PRR14L: variants seen among roughly 807,000 people sequenced by gnomAD.
PRR14L encodes protein PRR14L.
PRR14L carries 80 observed loss-of-function variants against 155.0 expected under a neutral mutation model. That is an observed-to-expected ratio of 0.52 (90% confidence interval 0.43 to 0.62). PRR14L has a LOEUF of 0.62. Ranked by LOEUF, PRR14L falls within the 20% of genes least tolerant of loss-of-function variation. The pLI is 0.00. For missense variants in PRR14L, 2,469 were observed against 2,548.0 expected, an observed-to-expected ratio of 0.97 and a Z score of 0.67; for synonymous variants, 883 against 916.0, an observed-to-expected ratio of 0.96 and a Z score of 0.65.
chr22:31,718,280 G>A (rs2074671273), intron 3 of PRR14L, among the ~76,000 whole-genome samples: 1 of 146,168 alleles, frequency 6.8e-6, no homozygotes, highest in African/African-American at 2.5e-5. Context: ...TTTTGAGACA[G>A]AGTCTTGCTT....
In PRR14L at chr22:31,716,283, T is replaced by C; in HGVS notation, c.1556A>G (p.Glu519Gly). The change falls in exon 4 of 9, where the codon GAA (glutamate) becomes GGA (glycine). Residue 519 changes from glutamate (E) to glycine (G), a missense_variant. Physicochemically the swap from Glu to Gly is moderately conservative, Grantham distance 98. Transcript: ENST00000327423. ...ESSFSSLMQI[E>G]EAGQTTPVEP... ...TACAGGGGTTGTCTGTCCTGCCTCT[T>C]CAATCTGCATCAAGGAGGAAAAACT... 6.4e-7 allele frequency: 1 copy of C among 1,551,698 alleles called. No homozygotes were observed. Among genetic ancestry groups the C allele is most frequent in the Non-Finnish European group, 8.7e-7 (1 of 1,146,980 alleles).
intron 8 of PRR14L, among the ~76,000 whole-genome samples, chr22:31,687,044 T>C (rs1261764527): frequency 6.6e-6 from 1 of 152,176 alleles, no homozygotes; most frequent in East Asian, 1.9e-4. Context: ...TCTTTTTTCT[T>C]TTTCATTTTT....
At chr22:31,693,193 A>G (rs1348965824) in intron 7 of PRR14L, among the ~76,000 whole-genome samples, 2 of 152,204 alleles carry the variant, frequency 1.3e-5, no homozygotes, top group African/African-American at 4.8e-5. Flanking sequence ...CCCTCATTAC[A>G]GTAACACACA....
chr22:31,733,298 G>GCTTT (rs2074760251), intron 2 of PRR14L, among the ~76,000 whole-genome samples: 1 of 64,032 alleles, frequency 1.6e-5, no homozygotes, highest in African/African-American at 7.4e-5. Context: ...CCTGGCCACT[G>GCTTT]TTTTTTTTTT....
intron 3 of PRR14L, among the ~76,000 whole-genome samples, chr22:31,723,737 G>A (rs1458682824): frequency 6.6e-6 from 1 of 152,216 alleles, no homozygotes; most frequent in Non-Finnish European, 1.5e-5. Flanking sequence ...GATAAACTGG[G>A]ACAAATGTCC....
At position 31,714,970 on chromosome 22, in the gene PRR14L, T is replaced by A; in HGVS notation, c.2869A>T (p.Lys957Ter). 1 of 1,552,134 alleles carries A rather than the reference T, an allele frequency of 6.4e-7. No homozygotes were observed. The highest frequency in any genetic ancestry group is 8.7e-7 in the Non-Finnish European group (1 of 1,147,076). The stretch of plus-strand genomic sequence containing the variant: ...TTCTGATCGAGTGTTTCAACTGATT[T>A]TACATTTTTAAAACTGGAGAACATA... ...TVMFSSFKNV[K>*]SVETLDQKAD... The change falls in exon 4 of 9, where the codon AAA (lysine) becomes TAA (stop). Residue 957 changes from lysine to a stop codon, truncating the protein, a stop_gained. Transcript: ENST00000327423. LOFTEE classifies it high-confidence loss of function.
chr22:31,749,376 G>A (rs2074859161), intron 1 of PRR14L, among the ~76,000 whole-genome samples: 1 of 152,190 alleles, frequency 6.6e-6, no homozygotes, highest in Non-Finnish European at 1.5e-5. Context: ...AGGGAGAAAG[G>A]TTGATTTCTG....
At chr22:31,709,066 G>T (rs1010451313) in intron 4 of PRR14L, among the ~76,000 whole-genome samples, 5 of 151,956 alleles carry the variant, frequency 3.3e-5, no homozygotes, top group Admixed American at 6.6e-5. Context: ...CAGCTGATCT[G>T]CCCGCCTTGG....
At chr22:31,734,371 C>A (rs1328273311) in intron 2 of PRR14L, among the ~76,000 whole-genome samples, 1 of 152,178 alleles carries the variant, frequency 6.6e-6, no homozygotes, top group African/African-American at 2.4e-5. Flanking sequence ...ATATACATTG[C>A]AAATATGTTC....
chr22:31,685,621 C>T lies in PRR14L; in HGVS notation c.6362G>A (p.Ser2121Asn). The change falls in exon 9 of 9, where the codon AGT becomes AAT. Residue 2121 changes from serine (S) to asparagine (N), a missense_variant. By Grantham distance (46) the Ser-to-Asn change is conservative. Coordinates refer to ENST00000327423, the MANE Select transcript of PRR14L (RefSeq NM_173566.3). ...FTRAQKAAVQ[S>N]RELDALLIQK... is the part of the protein sequence containing the mutation. ...TATCAAAAGAGCATCCAGCTCTCGACTCTGCACAGCTGCCTTCTGGGCCCT... is the reference window on the plus strand; with the variant it reads ...TATCAAAAGAGCATCCAGCTCTCGATTCTGCACAGCTGCCTTCTGGGCCCT... 6.4e-7 allele frequency: 1 copy of T among 1,551,892 alleles called. No individual in the cohort carries two copies. Among genetic ancestry groups the T allele is most frequent in the Non-Finnish European group, 8.7e-7 (1 of 1,146,972 alleles).
At position 31,685,941 on chromosome 22, in the gene PRR14L, C is replaced by A. The variant is rs1042354630; in HGVS notation, c.6180-138G>T. ...AAAGCTACTTGCGCCAACTCTTTTTCTTTTTTTTGTGAGACAGAATTTCAC... is the reference window on the plus strand; with the variant it reads ...AAAGCTACTTGCGCCAACTCTTTTTATTTTTTTTGTGAGACAGAATTTCAC... On this transcript the variant is annotated intron_variant, in intron 8 of 8. Transcript: ENST00000327423. The A allele has an allele frequency of 3.8e-6, 3 of 785,386 alleles. No individual in the cohort carries two copies. The Admixed American group carries it at 8.8e-5, about 23-fold the overall frequency. The allele number at this position is 785,386 out of a possible 1,614,324, so 48.7% of individuals were successfully genotyped here. A position where few individuals can be genotyped will look rare whatever the true frequency, so the allele number is the denominator to read the frequency against.
intron 2 of PRR14L, among the ~76,000 whole-genome samples, chr22:31,732,646 G>A (rs78938007): frequency 0.015 from 2,272 of 152,292 alleles, 57 homozygotes; most frequent in African/African-American, 0.053. Context: ...TTTGGTCTAT[G>A]CCTGCTTCCC....
intron 1 of PRR14L, among the ~76,000 whole-genome samples, chr22:31,747,999 CAG>C (rs933722343): frequency 2.7e-5 from 4 of 146,570 alleles, no homozygotes; most frequent in Non-Finnish European, 5.9e-5. Flanking sequence ...AAAAAAAAAA[CAG>C]AACATAAAAC....
At chr22:31,688,126 C>T in intron 8 of PRR14L, 30 bp downstream of exon 8, 1 of 1,583,562 alleles carries the variant, frequency 6.3e-7, no homozygotes, top group Non-Finnish European at 8.6e-7. Context: ...TCAAATTCTT[C>T]CCTTTTATTT....
At chr22:31,739,025 C>T (rs2074798262) in intron 1 of PRR14L, 114 bp from the exon 2 acceptor site, 1 of 543,612 alleles carries the variant, frequency 1.8e-6, no homozygotes, top group Admixed American at 3.3e-5. Flanking sequence ...TAAATGCCAG[C>T]ATTATCTGGC....
chr22:31,743,063 G>C (rs1214321813), intron 1 of PRR14L, among the ~76,000 whole-genome samples: 4 of 152,164 alleles, frequency 2.6e-5, no homozygotes, highest in African/African-American at 9.7e-5. Context: ...ACGCCCATGG[G>C]AGGCCAAGGT....
At position 31,701,693 on chromosome 22, in the gene PRR14L, G is replaced by A. The variant is rs766408808; in HGVS notation, c.6070C>T (p.Pro2024Ser). 2 of 1,613,926 alleles carry A rather than the reference G, an allele frequency of 1.2e-6. No individual in the cohort carries two copies. Among genetic ancestry groups the A allele is most frequent in the South Asian group, 1.1e-5 (1 of 91,082 alleles). Residue 2024 changes from proline (P) to serine (S), a missense_variant, in exon 7 of 9, where the codon CCT (proline) becomes TCT (serine). Physicochemically the swap from Pro to Ser is moderately conservative, Grantham distance 74. Around this residue, in one of 2 missense-constraint regions of PRR14L, gnomAD observed 106 missense variants for 176.4 expected, o/e 0.60. Transcript: ENST00000327423. ...RIRKTIPRPD[P>S]NLTPMGLPRP... is the part of the protein sequence containing the mutation. ...GGAAGGCCCATGGGGGTAAGATTAG[G>A]ATCTGGCCTAGGAATGGTTTTCCGG... is the stretch of plus-strand genomic sequence containing the variant.
At position 31,714,156 on chromosome 22, in the gene PRR14L, C is replaced by A; in HGVS notation, c.3683G>T (p.Ser1228Ile). The change falls in exon 4 of 9, where the codon AGC becomes ATC. Residue 1228 changes from serine (S) to isoleucine (I), a missense_variant. Around this residue, in one of 2 missense-constraint regions of PRR14L, gnomAD observed 2,363 missense variants for 2,371.6 expected, o/e 1.00. Transcript: ENST00000327423. ...SKESMSCHDE[S>I]SVSLRSLKSI... is the part of the protein sequence containing the mutation. ...TTTCAGGCTTCTTAGGGAAACAGAG[C>A]TTTCATCATGGCAAGACATCGACTC... The A allele has an allele frequency of 1.3e-6, 2 of 1,551,606 alleles. No homozygotes were observed. The highest frequency in any genetic ancestry group is 1.2e-5 in the South Asian group (1 of 84,042).
At chr22:31,744,020 TAAAAAA>T (rs750855516) in intron 1 of PRR14L, among the ~76,000 whole-genome samples, 1 of 131,788 alleles carries the variant, frequency 7.6e-6, no homozygotes. Flanking sequence ...GCTCATTCAT[TAAAAAA>T]AAAAAAAAAA....
Sources: gnomAD v4.1 joint callset for allele counts (sites outside exome capture counted in the v4.1 genomes callset) on GRCh38, gnomAD v4.1.1 for gene constraint, gnomAD v4.1.1 regional missense constraint, MANE v1.5 for transcripts, NCBI Gene and HGNC (gene_info 2026-07-23, HGNC 2026-07-21) for gene names.